The following AFAP1L1 variants were observed in gnomAD, a reference collection of about 807,000 sequenced individuals.
The protein encoded by AFAP1L1 is actin filament-associated protein 1-like 1.
Under a neutral mutation model 99.8 loss-of-function variants are expected in AFAP1L1, and 77 were observed. The observed-to-expected ratio is 0.77, with a 90% confidence interval of 0.64 to 0.93. AFAP1L1 has a LOEUF of 0.93. Ranked by LOEUF, AFAP1L1 falls within the 40% of genes least tolerant of loss-of-function variation. The pLI, the probability that AFAP1L1 is intolerant of heterozygous loss-of-function variation, is 0.00. For synonymous variants in AFAP1L1, 373 were observed against 395.3 expected, an observed-to-expected ratio of 0.94 and a Z score of 0.67; for missense variants, 893 against 996.8, an observed-to-expected ratio of 0.90 and a Z score of 1.40.
chr5:149,329,656 A>G lies in AFAP1L1; in HGVS notation c.1811-10A>G. ...AACTGAGGGCCTTTCCCTTCCCCAT[A>G]TCTCTGCAGGTGCCAATCAATACAA... is the stretch of plus-strand genomic sequence containing the variant. On this transcript the variant is annotated splice_polypyrimidine_tract_variant and intron_variant, in intron 15 of 18. Coordinates refer to ENST00000296721, the MANE Select transcript of AFAP1L1 (RefSeq NM_152406.4). 6.2e-7 allele frequency: 1 copy of G among 1,609,974 alleles called. No homozygotes were observed. The highest frequency in any genetic ancestry group is 8.5e-7 in the Non-Finnish European group (1 of 1,178,434).
chr5:149,332,834 A>G lies in AFAP1L1; in HGVS notation c.2115A>G (p.Pro705=). The G allele has an allele frequency of 6.2e-7, 1 of 1,610,490 alleles. No homozygotes were observed. ...ERLQQSLAGG[P]ALGLSVSSKP... is the part of the protein sequence containing the mutation. ...TGCAGCAGTCCCTGGCAGGAGGGCCAGCCCTGGGGCTCTCCGTGAGCAGCA... is the reference window on the plus strand; with the variant it reads ...TGCAGCAGTCCCTGGCAGGAGGGCCGGCCCTGGGGCTCTCCGTGAGCAGCA... The change falls in exon 17 of 19, where the codon CCA becomes CCG. Residue 705 remains proline (P), a synonymous_variant. Coordinates refer to ENST00000296721, the MANE Select transcript of AFAP1L1 (RefSeq NM_152406.4).
At chr5:149,318,220 A>C (rs763012161) in intron 12 of AFAP1L1, among the ~76,000 whole-genome samples, 1 of 152,242 alleles carries the variant, frequency 6.6e-6, no homozygotes, top group Non-Finnish European at 1.5e-5. Flanking sequence ...ATACTAAAAT[A>C]TTATTCATTG....
At chr5:149,277,835 T>C (rs1187588319) in intron 1 of AFAP1L1, among the ~76,000 whole-genome samples, 11 of 152,186 alleles carry the variant, frequency 7.2e-5, no homozygotes, top group Admixed American at 7.2e-4. Flanking sequence ...TTAACCACAC[T>C]CTGCAATGGG....
chr5:149,307,332 G>T, intron 6 of AFAP1L1, 70 bp from the exon 7 acceptor site: 1 of 1,490,140 alleles, frequency 6.7e-7, no homozygotes, highest in Non-Finnish European at 9.3e-7. Flanking sequence ...TGCAGGGATC[G>T]CTGCAGAGGG....
In AFAP1L1 at chr5:149,306,413, C is replaced by T. The variant is rs770586787; in HGVS notation, c.535+9C>T. ...CGAGCTTAAGAGCTCCTGTAAGTACCAGGTGGGCGTCCAGATGCTGGGCAG... is the reference window on the plus strand; with the variant it reads ...CGAGCTTAAGAGCTCCTGTAAGTACTAGGTGGGCGTCCAGATGCTGGGCAG... On this transcript the variant is annotated intron_variant, in intron 6 of 18. Transcript: ENST00000296721. The T allele has an allele frequency of 6.2e-7, 1 of 1,604,230 alleles. No individual in the cohort carries two copies. Among genetic ancestry groups the T allele is most frequent in the South Asian group, 1.1e-5 (1 of 89,520 alleles).
chr5:149,307,818 T>TTCTCTCTCTC (rs70973517), intron 7 of AFAP1L1, among the ~76,000 whole-genome samples: 5,199 of 100,446 alleles, frequency 0.052, 667 homozygotes, highest in Middle Eastern at 0.099. Context: ...GTGCCTCTCT[T>TTCTCTCTCTC]TCTCTCTCTC....
In AFAP1L1 at chr5:149,342,821, AGAATCACTT is replaced by A. The variant is rs1330931430; in HGVS notation, c.*2795_*2803del. On this transcript the variant is annotated 3_prime_UTR_variant, in exon 19 of 19. Coordinates refer to ENST00000296721, the MANE Select transcript of AFAP1L1 (RefSeq NM_152406.4). ...CAGCTACTTGGGAGGCTGAGGGAGG[AGAATCACTT>A]GAACCCGGGAGGTGGAGGTTGCAGT... Among the ~76,000 whole-genome samples, 1 of 152,146 alleles carries A rather than the reference AGAATCACTT, an allele frequency of 6.6e-6. No homozygotes were observed. Among genetic ancestry groups the A allele is most frequent in the Non-Finnish European group, 1.5e-5 (1 of 68,030 alleles).
At position 149,309,948 on chromosome 5, in the gene AFAP1L1, C is replaced by T; in HGVS notation, c.748-8C>T. On this transcript the variant is annotated splice_polypyrimidine_tract_variant and splice_region_variant and intron_variant, in intron 7 of 18. Transcript: ENST00000296721. Reference sequence around the variant, plus strand: ...AGAAGATCCTGATGTGTTTCTCTCCCTGTCCAGTGTTACAAAAGCTCCAAG... The same window carrying T: ...AGAAGATCCTGATGTGTTTCTCTCCTTGTCCAGTGTTACAAAAGCTCCAAG... 1.2e-6 allele frequency: 2 copies of T among 1,614,220 alleles called. No homozygotes were observed. The highest frequency in any genetic ancestry group is 8.5e-7 in the Non-Finnish European group (1 of 1,180,040).
chr5:149,334,098 G>A (rs1351452053), intron 17 of AFAP1L1, among the ~76,000 whole-genome samples: 1 of 152,188 alleles, frequency 6.6e-6, no homozygotes, highest in Admixed American at 6.5e-5. Context: ...TTTCGGGTGA[G>A]GAAATTGAGA....
At chr5:149,292,396 A>G (rs1755885797) in intron 1 of AFAP1L1, among the ~76,000 whole-genome samples, 1 of 152,150 alleles carries the variant, frequency 6.6e-6, no homozygotes, top group African/African-American at 2.4e-5. Flanking sequence ...TGGTAGCTTA[A>G]TTTCTGCTAT....
chr5:149,308,213 T>G (rs1756497049), intron 7 of AFAP1L1, among the ~76,000 whole-genome samples: 2 of 152,220 alleles, frequency 1.3e-5, no homozygotes, highest in African/African-American at 2.4e-5. Context: ...AAAACAGAAT[T>G]TTTAATCACT....
rs954926206 is a variant in AFAP1L1, at chr5:149,306,385, C to T, written c.516C>T (p.Asn172=). ...GCAGCTACCCTGCAACCAGGGTGAA[C>T]GGCGAGCTTAAGAGCTCCTGTAAGT... ...ADSSYPATRV[N]GELKSSYNDS... is the part of the protein sequence containing the mutation. Residue 172 remains asparagine (N), a synonymous_variant, in exon 6 of 19, where the codon AAC becomes AAT. Transcript: ENST00000296721. 2.0e-5 allele frequency: 33 copies of T among 1,612,184 alleles called. No homozygotes were observed. The highest frequency in any genetic ancestry group is 8.4e-5 in the Admixed American group (5 of 59,840).
rs752014306 is a variant in AFAP1L1, at chr5:149,307,484, C to A, written c.618C>A (p.His206Gln). Reference sequence around the variant, plus strand: ...AAGGGAAGAGCCCGCAGCCCCGACACCAGTGGCCCTCAGAGGAGGCCTCCA... The same window carrying A: ...AAGGGAAGAGCCCGCAGCCCCGACAACAGTGGCCCTCAGAGGAGGCCTCCA... ...EEEGKSPQPR[H>Q]QWPSEEASMH... Residue 206 changes from histidine (H) to glutamine (Q), a missense_variant, in exon 7 of 19, where the codon CAC becomes CAA. By Grantham distance (24) the His-to-Gln change is conservative. Transcript: ENST00000296721. 1 of 1,614,040 alleles carries A rather than the reference C, an allele frequency of 6.2e-7. No individual in the cohort carries two copies. Among genetic ancestry groups the A allele is most frequent in the African/African-American group, 1.3e-5 (1 of 74,918 alleles).
At chr5:149,307,818 T>TTCTCTCTCTCTCTCTCTCTCTC (rs70973517) in intron 7 of AFAP1L1, among the ~76,000 whole-genome samples, 3,808 of 100,364 alleles carry the variant, frequency 0.038, 754 homozygotes, top group East Asian at 0.073. Flanking sequence ...GTGCCTCTCT[T>TTCTCTCTCTCTCTCTCTCTCTC]TCTCTCTCTC....
At chr5:149,329,622 A>C in intron 15 of AFAP1L1, 44 bp from the exon 16 acceptor site, 18 of 1,552,522 alleles carry the variant, frequency 1.2e-5, no homozygotes, top group Non-Finnish European at 1.6e-5. Context: ...TACCTTTGCC[A>C]GAGGTCAGAA....
At chr5:149,312,468 T>C (rs1372971306) in intron 9 of AFAP1L1, 3 of 517,504 alleles carry the variant, frequency 5.8e-6, no homozygotes, top group Non-Finnish European at 1.1e-5. Context: ...GGAGGTCACA[T>C]TGCAATTGTG....
At chr5:149,273,521 A>G (rs1284273509) in intron 1 of AFAP1L1, among the ~76,000 whole-genome samples, 2 of 151,990 alleles carry the variant, frequency 1.3e-5, no homozygotes, top group East Asian at 1.9e-4. Flanking sequence ...AGAATACTGC[A>G]TTCACCTTCT....
intron 1 of AFAP1L1, among the ~76,000 whole-genome samples, chr5:149,295,391 T>C (rs1198139905): frequency 6.6e-6 from 1 of 152,220 alleles, no homozygotes; most frequent in African/African-American, 2.4e-5. Context: ...AGAACCAAAC[T>C]GTTCTTACTT....
chr5:149,311,873 A>G (rs757335072), intron 8 of AFAP1L1, among the ~76,000 whole-genome samples: 1 of 152,194 alleles, frequency 6.6e-6, no homozygotes, highest in Non-Finnish European at 1.5e-5. Flanking sequence ...CACACAACTA[A>G]TTAGCAATAA....
Sources: gnomAD v4.1 joint callset for allele counts (sites outside exome capture counted in the v4.1 genomes callset) on GRCh38, gnomAD v4.1.1 for gene constraint, MANE v1.5 for transcripts, NCBI Gene and HGNC (gene_info 2026-07-23, HGNC 2026-07-21) for gene names.